CNTNAP2: variants seen among roughly 807,000 people sequenced by gnomAD.
The protein encoded by CNTNAP2 is contactin-associated protein-like 2.
In CNTNAP2, 98 loss-of-function variants were observed where a neutral mutation model predicts 155.2. The ratio of observed to expected loss-of-function variants is 0.63; its 90% confidence interval spans 0.54 to 0.75. The LOEUF (loss-of-function observed/expected upper bound fraction) is 0.75. Among genes scored for constraint, CNTNAP2 ranks in the 30% least tolerant of loss-of-function variants. CNTNAP2 has a pLI of 0.00. For synonymous variants in CNTNAP2, 651 were observed against 631.2 expected, an observed-to-expected ratio of 1.03 and a Z score of -0.47; for missense variants, 1,727 against 1,688.1, an observed-to-expected ratio of 1.02 and a Z score of -0.40.
At chr7:147,885,079 T>C (rs1799582575) in intron 13 of CNTNAP2, among the ~76,000 whole-genome samples, 1 of 152,242 alleles carries the variant, frequency 6.6e-6, no homozygotes. Context: ...GCAAAAGTAA[T>C]TGCAGTTTTT....
At chr7:146,202,275 T>A (rs1007968985) in intron 1 of CNTNAP2, among the ~76,000 whole-genome samples, 1 of 152,188 alleles carries the variant, frequency 6.6e-6, no homozygotes, top group African/African-American at 2.4e-5. Flanking sequence ...TCTCTATTCA[T>A]AACCTACATT....
rs554170443 is a variant in CNTNAP2 at position 147,042,761 on chromosome 7, A to G, written c.403-1146A>G. 8.5e-5 allele frequency among the ~76,000 whole-genome samples: 13 copies of G among 152,200 alleles called. No homozygotes were observed. The East Asian group carries it at 2.5e-3, about 29-fold the overall frequency. On this transcript the variant is annotated intron_variant, in intron 3 of 23. Transcript: ENST00000361727. The stretch of plus-strand genomic sequence containing the variant: ...TTAAAAAATAATTTTTAAAATTTCT[A>G]TTTGTATGATTTTAAGATAATTTAA...
At chr7:146,463,529 T>C (rs1796669481) in intron 1 of CNTNAP2, among the ~76,000 whole-genome samples, 1 of 151,996 alleles carries the variant, frequency 6.6e-6, no homozygotes, top group Admixed American at 6.6e-5. Flanking sequence ...CAACTAGATA[T>C]CACAGTATAC....
chr7:147,424,603 G>A (rs1336102527), intron 10 of CNTNAP2, among the ~76,000 whole-genome samples: 1 of 152,056 alleles, frequency 6.6e-6, no homozygotes, highest in Non-Finnish European at 1.5e-5. Context: ...CTCCCTAGGA[G>A]ATCTCATTCA....
intron 15 of CNTNAP2, among the ~76,000 whole-genome samples, chr7:148,073,140 T>C (rs1395025583): frequency 6.6e-6 from 1 of 152,130 alleles, no homozygotes; most frequent in Non-Finnish European, 1.5e-5. Flanking sequence ...GGGGACAAAA[T>C]TGCCCCCAGT....
At chr7:146,485,237 A>C (rs1584946894) in intron 1 of CNTNAP2, among the ~76,000 whole-genome samples, 1 of 151,624 alleles carries the variant, frequency 6.6e-6, no homozygotes, top group Non-Finnish European at 1.5e-5. Flanking sequence ...GAAAAAAATC[A>C]CCATCATCAA....
chr7:148,398,912 T>C (rs1799528237), intron 22 of CNTNAP2, among the ~76,000 whole-genome samples: 1 of 152,220 alleles, frequency 6.6e-6, no homozygotes, highest in African/African-American at 2.4e-5. Context: ...CCTTTTTGAC[T>C]TACTATAATT....
At chr7:146,758,218 C>T (rs536487021) in intron 1 of CNTNAP2, among the ~76,000 whole-genome samples, 1 of 152,140 alleles carries the variant, frequency 6.6e-6, no homozygotes, top group Admixed American at 6.6e-5. Flanking sequence ...CTTTTTGTAG[C>T]CTCTGATTAG....
intron 12 of CNTNAP2, among the ~76,000 whole-genome samples, chr7:147,598,714 T>C (rs142708730): frequency 1.4e-3 from 210 of 152,326 alleles, no homozygotes; most frequent in Non-Finnish European, 2.2e-3. Flanking sequence ...AAATCTCATC[T>C]TGAATTGTAG....
chr7:146,757,271 T>C lies in CNTNAP2; in HGVS notation c.98-17000T>C, dbSNP rs192730177. ...AAAGGAATGCAGTGTCATTATCTAT[T>C]ACTTTGATGATTTATCTACGTCACA... On this transcript the variant is annotated intron_variant, in intron 1 of 23. Transcript: ENST00000361727. Among the ~76,000 whole-genome samples, 16 of 152,244 alleles carry C rather than the reference T, an allele frequency of 1.1e-4. No homozygotes were observed. The East Asian group carries it at 2.3e-3, about 22-fold the overall frequency.
chr7:146,410,565 A>T (rs546084047), intron 1 of CNTNAP2, among the ~76,000 whole-genome samples: 1 of 152,248 alleles, frequency 6.6e-6, no homozygotes, highest in Admixed American at 6.5e-5. Context: ...AACTTGTGTC[A>T]TGGGAGTTTG....
chr7:147,971,095 A>G (rs1801326243), intron 14 of CNTNAP2, among the ~76,000 whole-genome samples: 1 of 152,186 alleles, frequency 6.6e-6, no homozygotes, highest in Admixed American at 6.5e-5. Flanking sequence ...AAGCCCTTAA[A>G]AACAGAGTCA....
intron 1 of CNTNAP2, among the ~76,000 whole-genome samples, chr7:146,689,350 T>C (rs973630985): frequency 3.3e-5 from 5 of 152,124 alleles, no homozygotes; most frequent in African/African-American, 1.2e-4. Context: ...TGTATTGTTA[T>C]TATAAATATG....
At chr7:146,642,962 G>C (rs1429624495) in intron 1 of CNTNAP2, among the ~76,000 whole-genome samples, 1 of 149,972 alleles carries the variant, frequency 6.7e-6, no homozygotes, top group East Asian at 2.0e-4. Flanking sequence ...GTCTTCTTTT[G>C]AGAAGTGTCT....
At chr7:147,888,822 A>G (rs566797919) in intron 13 of CNTNAP2, among the ~76,000 whole-genome samples, 11 of 151,738 alleles carry the variant, frequency 7.2e-5, no homozygotes, top group African/African-American at 2.4e-4. Context: ...AATAATGATA[A>G]CATACTACCC....
chr7:146,925,616 A>G (rs1249486573), intron 3 of CNTNAP2, among the ~76,000 whole-genome samples: 1 of 152,110 alleles, frequency 6.6e-6, no homozygotes, highest in African/African-American at 2.4e-5. Context: ...CGGGGATGCT[A>G]ACTGTCCTTG....
chr7:146,300,391 T>C (rs1800586502), intron 1 of CNTNAP2, among the ~76,000 whole-genome samples: 1 of 151,498 alleles, frequency 6.6e-6, no homozygotes, highest in African/African-American at 2.4e-5. Context: ...GGAAAATTGG[T>C]ACTCTTGGAT....
At chr7:148,134,582 G>A (rs548986068) in intron 16 of CNTNAP2, among the ~76,000 whole-genome samples, 16 of 152,178 alleles carry the variant, frequency 1.1e-4, no homozygotes, top group African/African-American at 3.6e-4. Context: ...AAGAAATGAG[G>A]AATATTTCAG....
intron 9 of CNTNAP2, among the ~76,000 whole-genome samples, chr7:147,304,848 A>G (rs573403235): frequency 2.2e-4 from 34 of 152,292 alleles, no homozygotes; most frequent in African/African-American, 7.7e-4. Context: ...ATGGTTCTTG[A>G]GGTTGGGAAG....
Sources: allele counts gnomAD v4.1 joint callset (sites outside exome capture counted in the v4.1 genomes callset), GRCh38; gene constraint gnomAD v4.1.1; transcripts MANE v1.5; gene names NCBI Gene and HGNC (gene_info 2026-07-23, HGNC 2026-07-21).